ARL6IP6: variants seen among roughly 807,000 people sequenced by gnomAD.
The protein encoded by ARL6IP6 is ARF like GTPase 6 interacting protein 6, also known as ADP-ribosylation factor-like protein 6-interacting protein 6.
In ARL6IP6, 22 loss-of-function variants were observed where a neutral mutation model predicts 21.5. The observed-to-expected ratio is 1.02, with a 90% CI of 0.73 to 1.46. ARL6IP6 has a LOEUF of 1.46. ARL6IP6 is among the 40% of genes most tolerant of loss of function. ARL6IP6 has a pLI of 0.00. For missense variants in ARL6IP6, 388 were observed against 299.8 expected (o/e 1.29, Z -2.17); for synonymous variants, 164 against 125.3 (o/e 1.31, Z -2.06).
chr2:152,728,308 A>G (rs962101682), intron 2 of ARL6IP6, among the ~76,000 whole-genome samples: 1 of 152,212 alleles, frequency 6.6e-6, no homozygotes, highest in Non-Finnish European at 1.5e-5. Flanking sequence ...ATGAAGTTTT[A>G]TGAAGTGTGT....
intron 3 of ARL6IP6, among the ~76,000 whole-genome samples, chr2:152,752,532 G>A (rs1701386769): frequency 1.3e-5 from 2 of 152,196 alleles, no homozygotes; most frequent in South Asian, 4.1e-4. Context: ...CGACAGCAGG[G>A]ATTTATTAAA....
At chr2:152,719,750 G>GA (rs11328553) in intron 1 of ARL6IP6, 288 of 255,086 alleles carry the variant, frequency 1.1e-3, no homozygotes, top group South Asian at 2.5e-3. Flanking sequence ...CCAAGTTACT[G>GA]AAAAAAAAAA....
At chr2:152,718,611 T>C (rs1319274477), upstream of ARL6IP6, 2 of 1,503,916 alleles carry the variant, frequency 1.3e-6, no homozygotes, top group African/African-American at 1.4e-5. Context: ...GCGGGTTTCG[T>C]TGTGTTTCGC....
At chr2:152,719,772 A>C (rs1373671026) in intron 1 of ARL6IP6, 2 of 306,250 alleles carry the variant, frequency 6.5e-6, no homozygotes, top group Non-Finnish European at 1.3e-5. Context: ...AAAAAAAAAA[A>C]AACAAAAGAA....
rs1348543558 is a variant in ARL6IP6, at chr2:152,718,897, T to C, written c.273T>C (p.Phe91=). The C allele has an allele frequency of 2.5e-6, 4 of 1,613,748 alleles. No individual in the cohort carries two copies. The South Asian group carries it at 4.4e-5, about 18-fold the overall frequency. The change falls in exon 1 of 4, where the codon TTT becomes TTC. Residue 91 remains phenylalanine (F), a synonymous_variant. Transcript: ENST00000326446. Reference sequence around the variant, plus strand: ...TGCCCGATAAGCGCAATGGTATCTTTCCCGCGGCCGCGGGCAGCAGAGCCC... The same window carrying C: ...TGCCCGATAAGCGCAATGGTATCTTCCCCGCGGCCGCGGGCAGCAGAGCCC... ...PVLPDKRNGI[F]PAAAGSRAQP...
chr2:152,721,029 G>A (rs182002450), intron 2 of ARL6IP6, among the ~76,000 whole-genome samples: 3 of 152,314 alleles, frequency 2.0e-5, no homozygotes, highest in East Asian at 1.9e-4. Flanking sequence ...GGAAGTTCAA[G>A]GCTGCAGTGA....
Position 152,718,777 on chromosome 2 carries a change from G to A in ARL6IP6, c.153G>A (p.Val51=), listed in dbSNP as rs775545001. 4 of 1,608,676 alleles carry A rather than the reference G, an allele frequency of 2.5e-6. No homozygotes were observed. The highest frequency in any genetic ancestry group is 3.4e-6 in the Non-Finnish European group (4 of 1,177,430). Residue 51 remains valine (V), a synonymous_variant, in exon 1 of 4, where the codon GTG becomes GTA. Coordinates refer to ENST00000326446, the MANE Select transcript of ARL6IP6 (RefSeq NM_152522.7). ...ACGAGGAGGAGGGATGCGACCAAGT[G>A]GCCCGCGACCTGCGGGCGGAGTTCT... The part of the protein sequence containing the change: ...EVDEEEGCDQ[V]ARDLRAEFSA...
intron 3 of ARL6IP6, among the ~76,000 whole-genome samples, chr2:152,744,873 T>A (rs1252022843): frequency 2.0e-5 from 3 of 152,182 alleles, no homozygotes; most frequent in African/African-American, 7.2e-5. Flanking sequence ...ATCTGCAAAA[T>A]AAATTGTAAG....
Position 152,759,940 on chromosome 2 carries a change from T to G in ARL6IP6, c.*100T>G, listed in dbSNP as rs1182472429. On this transcript the variant is annotated 3_prime_UTR_variant, in exon 4 of 4. Transcript: ENST00000326446. ...CTACTCAGAAGACTGAGAAACCTGCTGTTCATTATGTAGTTCAGATATTTA... is the reference window on the plus strand; with the variant it reads ...CTACTCAGAAGACTGAGAAACCTGCGGTTCATTATGTAGTTCAGATATTTA... 2 of 918,626 alleles carry G rather than the reference T, an allele frequency of 2.2e-6. No individual in the cohort carries two copies. The highest frequency in any genetic ancestry group is 3.3e-5 in the African/African-American group (2 of 61,008). 56.9% of individuals were successfully genotyped at this position (918,626 alleles called of 1,614,324 possible). A position where few individuals can be genotyped will look rare whatever the true frequency, so the allele number is the denominator to read the frequency against.
intron 3 of ARL6IP6, among the ~76,000 whole-genome samples, chr2:152,752,868 T>G (rs947264055): frequency 1.3e-5 from 2 of 152,154 alleles, no homozygotes; most frequent in Admixed American, 6.5e-5. Flanking sequence ...TGGCTTTAGG[T>G]TCCCTGCCCT....
At chr2:152,746,659 A>C (rs1445054179) in intron 3 of ARL6IP6, among the ~76,000 whole-genome samples, 1 of 152,086 alleles carries the variant, frequency 6.6e-6, no homozygotes, top group African/African-American at 2.4e-5. Flanking sequence ...AGTAAGTGTA[A>C]GTTTACTAAA....
rs1700642586 is a variant in ARL6IP6 at position 152,738,305 on chromosome 2, AC to A, written c.587+3180del. 3.9e-5 allele frequency among the ~76,000 whole-genome samples: 6 copies of A among 152,320 alleles called. No homozygotes were observed. In the South Asian group the frequency reaches 1.2e-3, roughly 32 times the overall value. On this transcript the variant is annotated intron_variant, in intron 3 of 3. Coordinates refer to ENST00000326446, the MANE Select transcript of ARL6IP6 (RefSeq NM_152522.7). ...TTGAGAGTCTGCAGCTTTTCCAGGC[AC>A]ATAGTGCAAGCTGTCAGTGGATCTA...
intron 3 of ARL6IP6, among the ~76,000 whole-genome samples, chr2:152,741,132 ATTAATG>A (rs1439789424): frequency 1.3e-5 from 2 of 152,126 alleles, no homozygotes; most frequent in East Asian, 3.8e-4. Context: ...AAGCAATAAT[ATTAATG>A]TAAGCATTTT....
intron 3 of ARL6IP6, among the ~76,000 whole-genome samples, chr2:152,747,519 A>G (rs1225080359): frequency 6.6e-6 from 1 of 151,362 alleles, no homozygotes; most frequent in African/African-American, 2.4e-5. Context: ...ACGTCACAAG[A>G]TTCTGTTATC....
intron 3 of ARL6IP6, among the ~76,000 whole-genome samples, chr2:152,753,008 T>C: frequency 6.6e-6 from 1 of 152,018 alleles, no homozygotes; most frequent in East Asian, 1.9e-4. Flanking sequence ...CCAGACCCTA[T>C]TCTCCTGCCT....
At chr2:152,751,837 G>A (rs1014731702) in intron 3 of ARL6IP6, among the ~76,000 whole-genome samples, 1 of 152,050 alleles carries the variant, frequency 6.6e-6, no homozygotes, top group African/African-American at 2.4e-5. Flanking sequence ...CAGTAAACAT[G>A]GGGTACACAT....
intron 3 of ARL6IP6, among the ~76,000 whole-genome samples, chr2:152,746,252 C>T (rs1457455376): frequency 6.6e-6 from 1 of 152,020 alleles, no homozygotes; most frequent in Non-Finnish European, 1.5e-5. Flanking sequence ...GTCTCGAACT[C>T]CTGGGTTCAA....
In ARL6IP6 at chr2:152,718,898, C is replaced by A. The variant is rs759014318; in HGVS notation, c.274C>A (p.Pro92Thr). 1 of 1,613,940 alleles carries A rather than the reference C, an allele frequency of 6.2e-7. No homozygotes were observed. Among genetic ancestry groups the A allele is most frequent in the Non-Finnish European group, 8.5e-7 (1 of 1,179,930 alleles). Residue 92 changes from proline to threonine, a missense_variant, in exon 1 of 4, where the codon CCC (proline) becomes ACC (threonine). Transcript: ENST00000326446. ...GCCCGATAAGCGCAATGGTATCTTT[C>A]CCGCGGCCGCGGGCAGCAGAGCCCA... is the stretch of plus-strand genomic sequence containing the variant. ...VLPDKRNGIF[P>T]AAAGSRAQPR...
intron 2 of ARL6IP6, among the ~76,000 whole-genome samples, chr2:152,732,317 TTC>T (rs1436027891): frequency 1.3e-5 from 2 of 152,148 alleles, no homozygotes; most frequent in African/African-American, 2.4e-5. Context: ...CATGAAGAGT[TTC>T]TGTTTATTCA....
Sources: allele counts gnomAD v4.1 joint callset (sites outside exome capture counted in the v4.1 genomes callset), GRCh38; gene constraint gnomAD v4.1.1; transcripts MANE v1.5; gene names NCBI Gene and HGNC (gene_info 2026-07-23, HGNC 2026-07-21).